The following ETF1 variants were observed in gnomAD, a reference collection of about 807,000 sequenced individuals.
The protein encoded by ETF1 is eukaryotic peptide chain release factor subunit 1.
A neutral mutation model predicts 55.1 loss-of-function variants in ETF1; 4 were observed. That is an observed-to-expected ratio of 0.07 (90% CI 0.04 to 0.17). The LOEUF (loss-of-function observed/expected upper bound fraction) is 0.17. Among genes scored for constraint, ETF1 ranks in the 10% least tolerant of loss-of-function variants. ETF1 has a pLI of 1.00. For missense variants in ETF1, 142 were observed against 523.6 expected, an observed-to-expected ratio of 0.27 and a Z score of 7.11; for synonymous variants, 157 against 182.3, an observed-to-expected ratio of 0.86 and a Z score of 1.12.
chr5:138,541,552 TC>T, intron 2 of ETF1: 1 of 1,535,424 alleles, frequency 6.5e-7, no homozygotes, highest in East Asian at 2.4e-5. Flanking sequence ...ATTAAGCACA[TC>T]CTGTTTCATA....
intron 2 of ETF1, among the ~76,000 whole-genome samples, chr5:138,535,619 G>C (rs1429954851): frequency 6.6e-6 from 1 of 151,142 alleles, no homozygotes; most frequent in Admixed American, 6.6e-5. Context: ...TACTTGGGAG[G>C]CTGAGGCAGG....
At chr5:138,526,842 A>G (rs1189050203) in intron 2 of ETF1, among the ~76,000 whole-genome samples, 2 of 152,120 alleles carry the variant, frequency 1.3e-5, no homozygotes, top group African/African-American at 4.8e-5. Context: ...CTGAGACTAC[A>G]GGCGCATGCA....
At chr5:138,525,359 T>C (rs1053938390) in intron 2 of ETF1, among the ~76,000 whole-genome samples, 2 of 151,882 alleles carry the variant, frequency 1.3e-5, no homozygotes, top group East Asian at 2.0e-4. Context: ...GGTTTCACTA[T>C]GTTGGCCAGG....
intron 2 of ETF1, among the ~76,000 whole-genome samples, chr5:138,540,227 G>C (rs558654722): frequency 6.6e-6 from 1 of 152,218 alleles, no homozygotes; most frequent in African/African-American, 2.4e-5. Context: ...ACACTGCTAA[G>C]GGGAGGAAAG....
At chr5:138,527,386 A>G (rs1266472516) in intron 2 of ETF1, among the ~76,000 whole-genome samples, 3 of 152,264 alleles carry the variant, frequency 2.0e-5, no homozygotes, top group Non-Finnish European at 4.4e-5. Flanking sequence ...GGGAGCAAGC[A>G]TTCTGGCCAA....
intron 8 of ETF1, 69 bp from the exon 9 acceptor site, chr5:138,510,698 A>G: frequency 1.3e-6 from 2 of 1,573,762 alleles, no homozygotes; most frequent in Non-Finnish European, 1.7e-6. Context: ...GCTCCATAAG[A>G]TGAGGTTAGA....
intron 6 of ETF1, among the ~76,000 whole-genome samples, chr5:138,512,225 A>AATAT (rs71867448): frequency 1.6e-4 from 7 of 44,128 alleles, no homozygotes; most frequent in South Asian, 1.4e-3. Context: ...AAAAAAAAAA[A>AATAT]ATATATATAT....
At chr5:138,534,810 C>A (rs895513618) in intron 2 of ETF1, among the ~76,000 whole-genome samples, 1 of 152,148 alleles carries the variant, frequency 6.6e-6, no homozygotes, top group African/African-American at 2.4e-5. Flanking sequence ...CTGACCCTTA[C>A]TAAAGGCTGT....
At chr5:138,515,822 C>G (rs552277853) in intron 4 of ETF1, among the ~76,000 whole-genome samples, 155 of 152,268 alleles carry the variant, frequency 1.0e-3, no homozygotes, top group African/African-American at 3.6e-3. Flanking sequence ...CCTGAAAAAC[C>G]CTCTGCTGTA....
intron 4 of ETF1, among the ~76,000 whole-genome samples, chr5:138,516,710 T>G (rs1010038428): frequency 6.6e-6 from 1 of 152,252 alleles, no homozygotes; most frequent in Non-Finnish European, 1.5e-5. Flanking sequence ...GACAGCTTTG[T>G]AAAATGGTAC....
At chr5:138,534,508 C>A (rs1259319589) in intron 2 of ETF1, among the ~76,000 whole-genome samples, 3 of 152,202 alleles carry the variant, frequency 2.0e-5, no homozygotes, top group Admixed American at 1.3e-4. Context: ...GATTTTGCAA[C>A]AAGTTATTTC....
intron 2 of ETF1, among the ~76,000 whole-genome samples, chr5:138,535,874 CAAAAAAAAAAAA>C (rs35261297): frequency 2.1e-4 from 12 of 57,846 alleles, no homozygotes; most frequent in African/African-American, 7.7e-4. Flanking sequence ...GACTCCGCCT[CAAAAAAAAAAAA>C]AAAAAAAAAA....
chr5:138,531,049 T>G (rs1401788732), intron 2 of ETF1, among the ~76,000 whole-genome samples: 1 of 151,968 alleles, frequency 6.6e-6, no homozygotes, highest in Non-Finnish European at 1.5e-5. Flanking sequence ...TTTGAAGGTG[T>G]CCCCCCAAAT....
intron 2 of ETF1, chr5:138,519,069 A>C: frequency 1.0e-6 from 1 of 984,838 alleles, no homozygotes; most frequent in African/African-American, 1.7e-5. Context: ...TCTAGTGCTC[A>C]ATTTGATTGA....
At chr5:138,514,843 C>T (rs958849105) in intron 4 of ETF1, among the ~76,000 whole-genome samples, 1 of 152,194 alleles carries the variant, frequency 6.6e-6, no homozygotes, top group African/African-American at 2.4e-5. Context: ...CTGGGACATA[C>T]ATAGATAAGA....
At chr5:138,537,907 T>C (rs555769566) in intron 2 of ETF1, among the ~76,000 whole-genome samples, 22 of 147,834 alleles carry the variant, frequency 1.5e-4, no homozygotes, top group African/African-American at 4.8e-4. Context: ...TTTTTTTTTT[T>C]CTGAGACTGA....
At chr5:138,538,056 C>T (rs1218202888) in intron 2 of ETF1, among the ~76,000 whole-genome samples, 2 of 148,850 alleles carry the variant, frequency 1.3e-5, no homozygotes, top group African/African-American at 5.1e-5. Context: ...CCATGCCTGG[C>T]TAATTTTGTA....
intron 2 of ETF1, among the ~76,000 whole-genome samples, chr5:138,539,969 T>G (rs995296846): frequency 1.1e-4 from 16 of 152,234 alleles, no homozygotes; most frequent in African/African-American, 3.9e-4. Flanking sequence ...GACTTAATAA[T>G]GTACTGTAGC....
At chr5:138,520,203 A>G (rs1253777630) in intron 2 of ETF1, among the ~76,000 whole-genome samples, 3 of 147,340 alleles carry the variant, frequency 2.0e-5, no homozygotes, top group Non-Finnish European at 3.0e-5. Context: ...GTCTACATTA[A>G]CAAAGAAAAA....
Sources: allele counts gnomAD v4.1 joint callset (sites outside exome capture counted in the v4.1 genomes callset), GRCh38; gene constraint gnomAD v4.1.1; transcripts MANE v1.5; gene names NCBI Gene and HGNC (gene_info 2026-07-23, HGNC 2026-07-21).